The following ZNF667 variants were observed in gnomAD, a reference collection of about 807,000 sequenced individuals.
ZNF667 encodes zinc finger protein 667.
A neutral mutation model predicts 31.8 loss-of-function variants in ZNF667; 13 were observed. That is an observed-to-expected ratio of 0.41 (90% CI 0.27 to 0.65). ZNF667 has a LOEUF of 0.65. Among genes scored for constraint, ZNF667 ranks in the 30% least tolerant of loss-of-function variants. ZNF667 has a pLI of 0.32. For missense variants in ZNF667, 642 were observed against 725.6 expected, an observed-to-expected ratio of 0.88 and a Z score of 1.32; for synonymous variants, 228 against 247.1, an observed-to-expected ratio of 0.92 and a Z score of 0.73.
chr19:56,475,342 T>C (rs911499168), intron 1 of ZNF667: 2 of 152,298 alleles, frequency 1.3e-5, no homozygotes, highest in African/African-American at 4.8e-5. Flanking sequence ...GGCCGTTTCT[T>C]CTCATCTCAG....
intron 6 of ZNF667, among the ~76,000 whole-genome samples, chr19:56,452,825 C>T (rs933323002): frequency 2.0e-5 from 3 of 151,386 alleles, no homozygotes; most frequent in African/African-American, 4.9e-5. Flanking sequence ...GAGGCTGAGG[C>T]AGGAGAATTG....
Sources: allele counts gnomAD v4.1 joint callset (sites outside exome capture counted in the v4.1 genomes callset), GRCh38; gene constraint gnomAD v4.1.1; transcripts MANE v1.5; gene names NCBI Gene and HGNC (gene_info 2026-07-23, HGNC 2026-07-21).